The following ZNF892 variants were observed in gnomAD, a reference collection of about 807,000 sequenced individuals.
ZNF892 encodes the protein zinc finger protein 570-like.
the ZNF892 span, among the ~76,000 whole-genome samples, chr2:95,206,783 G>A: frequency 6.6e-6 from 1 of 152,184 alleles, no homozygotes; most frequent in Non-Finnish European, 1.5e-5. Flanking sequence ...TGCGGAAGGG[G>A]GTTGGGTAAG....
At chr2:95,207,327 G>C in the ZNF892 span, among the ~76,000 whole-genome samples, 1 of 152,220 alleles carries the variant, frequency 6.6e-6, no homozygotes, top group Non-Finnish European at 1.5e-5. Context: ...CCCAGAGTCG[G>C]CACCGAGGGA....
At chr2:95,217,492 T>G in the ZNF892 span, among the ~76,000 whole-genome samples, 1 of 152,200 alleles carries the variant, frequency 6.6e-6, no homozygotes, top group South Asian at 2.1e-4. Context: ...CAGATATGGC[T>G]AAGACTCAAG....
the ZNF892 span, among the ~76,000 whole-genome samples, chr2:95,226,543 G>T: frequency 6.6e-6 from 1 of 152,172 alleles, no homozygotes; most frequent in Non-Finnish European, 1.5e-5. Context: ...GTGAGCTTAC[G>T]TTTTACTGGC....
chr2:95,247,223 G>A, the ZNF892 span, among the ~76,000 whole-genome samples: 2 of 152,046 alleles, frequency 1.3e-5, no homozygotes, highest in Admixed American at 1.3e-4. Context: ...AGCCATCTGA[G>A]CTTCAACAAA....
the ZNF892 span, among the ~76,000 whole-genome samples, chr2:95,256,671 C>G: frequency 3.3e-5 from 5 of 152,208 alleles, no homozygotes; most frequent in Non-Finnish European, 7.3e-5. Flanking sequence ...GAGTGTTTTC[C>G]AACTTGGTTC....
At chr2:95,236,803 T>C in the ZNF892 span, among the ~76,000 whole-genome samples, 9 of 152,228 alleles carry the variant, frequency 5.9e-5, no homozygotes, top group Non-Finnish European at 1.0e-4. Flanking sequence ...GAGTTTACTA[T>C]AATAGAGTTG....
chr2:95,237,256 T>TC, the ZNF892 span, among the ~76,000 whole-genome samples: 1 of 151,844 alleles, frequency 6.6e-6, no homozygotes, highest in Admixed American at 6.6e-5. Context: ...CAAGTGATTC[T>TC]CCTGCCTCAG....
the ZNF892 span, chr2:95,258,974 T>C: frequency 3.9e-5 from 6 of 152,218 alleles, no homozygotes. Context: ...AAGAACTGCC[T>C]GCATGTGTAT....
At chr2:95,259,486 G>C in the ZNF892 span, 2 of 152,442 alleles carry the variant, frequency 1.3e-5, no homozygotes, top group Non-Finnish European at 2.9e-5. Flanking sequence ...CTGTGCTTCA[G>C]CCAAGAAGTA....
the ZNF892 span, among the ~76,000 whole-genome samples, chr2:95,234,074 A>T: frequency 3.9e-5 from 6 of 152,108 alleles, 1 homozygote; most frequent in Non-Finnish European, 8.8e-5. Context: ...CCCAGGCTGG[A>T]GTGCAGGCGC....
chr2:95,230,743 G>A, the ZNF892 span, among the ~76,000 whole-genome samples: 1 of 152,196 alleles, frequency 6.6e-6, no homozygotes, highest in African/African-American at 2.4e-5. Context: ...AGGATCCTTG[G>A]TTCCTTTTAG....
At chr2:95,262,248 G>C in the ZNF892 span, among the ~76,000 whole-genome samples, 1 of 152,176 alleles carries the variant, frequency 6.6e-6, no homozygotes, top group South Asian at 2.1e-4. Flanking sequence ...CTGACAGGGA[G>C]AATTTGCTTG....
At chr2:95,208,667 A>C in the ZNF892 span, 20 of 398,642 alleles carry the variant, frequency 5.0e-5, no homozygotes, top group Middle Eastern at 6.3e-4. Context: ...TTGAGGACTC[A>C]GACCTTCTCC....
the ZNF892 span, chr2:95,207,941 C>T: frequency 2.5e-6 from 1 of 397,868 alleles, no homozygotes; most frequent in African/African-American, 2.1e-5. Flanking sequence ...GTCACGAGCC[C>T]CTTCCTACTA....
chr2:95,208,402 A>C, the ZNF892 span, among the ~76,000 whole-genome samples: 19 of 152,252 alleles, frequency 1.2e-4, no homozygotes, highest in Non-Finnish European at 1.8e-4. Context: ...TAGCACATGC[A>C]ATATAAAAAT....
At chr2:95,254,295 T>G in the ZNF892 span, among the ~76,000 whole-genome samples, 1 of 152,228 alleles carries the variant, frequency 6.6e-6, no homozygotes, top group African/African-American at 2.4e-5. Flanking sequence ...CATGAAGCGT[T>G]GTTGAATTTT....
chr2:95,231,381 T>C, the ZNF892 span, among the ~76,000 whole-genome samples: 1 of 152,204 alleles, frequency 6.6e-6, no homozygotes, highest in Non-Finnish European at 1.5e-5. Flanking sequence ...GAAGAGTCAC[T>C]GCTACTTTGA....
the ZNF892 span, among the ~76,000 whole-genome samples, chr2:95,239,140 A>G: frequency 4.5e-5 from 4 of 88,782 alleles, no homozygotes; most frequent in African/African-American, 1.5e-4. Context: ...ACTCCGTCTC[A>G]AAGGAAAAAA....
chr2:95,208,858 AT>A, the ZNF892 span: 3 of 395,532 alleles, frequency 7.6e-6, no homozygotes, highest in Non-Finnish European at 1.3e-5. Flanking sequence ...TGATAAACTG[AT>A]GACTGATGAC....
Sources: allele counts gnomAD v4.1 joint callset (sites outside exome capture counted in the v4.1 genomes callset), GRCh38; gene constraint gnomAD v4.1.1; transcripts MANE v1.5; gene names NCBI Gene and HGNC (gene_info 2026-07-23, HGNC 2026-07-21).